The following ANK2 variants were observed in gnomAD, a reference collection of about 807,000 sequenced individuals.
The protein encoded by ANK2 is ankyrin 2.
A neutral mutation model predicts 360.5 loss-of-function variants in ANK2; 83 were observed. The ratio of observed to expected loss-of-function variants is 0.23; its 90% CI spans 0.19 to 0.28. ANK2 has a LOEUF of 0.28. Ranked by LOEUF, ANK2 falls within the 10% of genes least tolerant of loss-of-function variation. The probability of loss-of-function intolerance (pLI) is 1.00; values close to 1 mark genes in which losing one functional copy is unlikely to be tolerated. For missense variants in ANK2, 4,201 were observed against 4,795.7 expected, an observed-to-expected ratio of 0.88 and a Z score of 3.66; for synonymous variants, 1,740 against 1,759.5, an observed-to-expected ratio of 0.99 and a Z score of 0.28.
At chr4:113,051,046 G>A (rs2066749238) in intron 1 of ANK2, among the ~76,000 whole-genome samples, 1 of 152,114 alleles carries the variant, frequency 6.6e-6, no homozygotes, top group Admixed American at 6.6e-5. Flanking sequence ...ACAGGCAAAA[G>A]GATAATTCAG....
chr4:112,945,231 A>G (rs1291175193), intron 2 of ANK2, among the ~76,000 whole-genome samples: 1 of 152,194 alleles, frequency 6.6e-6, no homozygotes, highest in Non-Finnish European at 1.5e-5. Context: ...AGTTCTCCCT[A>G]GAAGTGATGC....
At chr4:113,217,944 T>G (rs2099105245) in intron 4 of ANK2, among the ~76,000 whole-genome samples, 1 of 152,162 alleles carries the variant, frequency 6.6e-6, no homozygotes, top group African/African-American at 2.4e-5. Context: ...TCACTTTTTG[T>G]GTAGTGTAAT....
chr4:113,342,371 T>C (rs1453495747), intron 33 of ANK2, among the ~76,000 whole-genome samples: 1 of 151,422 alleles, frequency 6.6e-6, no homozygotes, highest in Non-Finnish European at 1.5e-5. Flanking sequence ...CTTTGGGTGT[T>C]GAAGTCCAGT....
chr4:113,193,112 A>G (rs2098697086), intron 2 of ANK2, among the ~76,000 whole-genome samples: 1 of 152,160 alleles, frequency 6.6e-6, no homozygotes. Flanking sequence ...CTATGAAATA[A>G]TCGATAACCT....
chr4:112,828,879 T>C (rs1425294772), intron 1 of ANK2, among the ~76,000 whole-genome samples: 2 of 152,130 alleles, frequency 1.3e-5, no homozygotes, highest in Non-Finnish European at 2.9e-5. Context: ...GGAGGCTGGG[T>C]GTGGTGGTTC....
intron 2 of ANK2, among the ~76,000 whole-genome samples, chr4:112,905,822 C>T (rs1040800399): frequency 1.8e-4 from 28 of 151,854 alleles, no homozygotes; most frequent in South Asian, 4.2e-4. Flanking sequence ...CCACCATGCC[C>T]GACTAATTTT....
intron 1 of ANK2, among the ~76,000 whole-genome samples, chr4:113,101,266 A>C (rs917163777): frequency 6.6e-6 from 1 of 152,190 alleles, no homozygotes; most frequent in South Asian, 2.1e-4. Flanking sequence ...TATCATAATT[A>C]GTTTTTTACA....
At chr4:113,206,584 C>T (rs2098951969) in intron 4 of ANK2, among the ~76,000 whole-genome samples, 1 of 152,084 alleles carries the variant, frequency 6.6e-6, no homozygotes. Flanking sequence ...AGTCAGGACA[C>T]TTGTGTTTTT....
intron 2 of ANK2, among the ~76,000 whole-genome samples, chr4:113,042,601 G>C (rs190284912): frequency 1.3e-5 from 2 of 152,234 alleles, no homozygotes; most frequent in African/African-American, 4.8e-5. Context: ...GGGACACTGA[G>C]AGTCTATGGA....
At chr4:113,104,642 G>GA (rs2093388951) in intron 1 of ANK2, among the ~76,000 whole-genome samples, 1 of 152,168 alleles carries the variant, frequency 6.6e-6, no homozygotes, top group Non-Finnish European at 1.5e-5. Context: ...TTGAACCCAG[G>GA]AGGCAGAGGT....
chr4:113,015,278 T>C (rs931688090), intron 2 of ANK2, among the ~76,000 whole-genome samples: 2 of 152,222 alleles, frequency 1.3e-5, no homozygotes, highest in African/African-American at 4.8e-5. Context: ...CATTTTCTCC[T>C]ATCTGTGAGA....
At chr4:112,883,140 G>T (rs947485637) in intron 1 of ANK2, among the ~76,000 whole-genome samples, 1 of 142,404 alleles carries the variant, frequency 7.0e-6, no homozygotes, top group Non-Finnish European at 1.5e-5. Context: ...CCTGGTTCAA[G>T]CGATTCTCCT....
the ANK2 span, among the ~76,000 whole-genome samples, chr4:112,771,179 C>T: frequency 1.3e-5 from 2 of 152,202 alleles, no homozygotes; most frequent in Non-Finnish European, 2.9e-5. Context: ...ATGGTGCGAT[C>T]TTGGCTTACC....
intron 4 of ANK2, among the ~76,000 whole-genome samples, chr4:113,208,039 T>G (rs10019154): frequency 2.0e-5 from 3 of 150,296 alleles, no homozygotes; most frequent in Non-Finnish European, 2.9e-5. Context: ...GTGTATGAAA[T>G]GAAGCCTGAG....
intron 2 of ANK2, among the ~76,000 whole-genome samples, chr4:112,941,737 A>G (rs906612652): frequency 4.0e-5 from 6 of 148,292 alleles, no homozygotes; most frequent in South Asian, 2.1e-4. Flanking sequence ...TATATGATCT[A>G]TACACATATT....
chr4:113,231,869 G>A (rs568024010), intron 4 of ANK2, among the ~76,000 whole-genome samples: 2 of 152,214 alleles, frequency 1.3e-5, no homozygotes, highest in South Asian at 2.1e-4. Flanking sequence ...CAAAGTTCTG[G>A]GATTACAGGC....
chr4:113,353,184 C>T lies in ANK2; in HGVS notation c.4566C>T (p.Thr1522=). The T allele has an allele frequency of 6.2e-7, 1 of 1,614,008 alleles. No homozygotes were observed. Among genetic ancestry groups the T allele is most frequent in the South Asian group, 1.1e-5 (1 of 91,078 alleles). The change falls in exon 38 of 46, where the codon ACC becomes ACT. Residue 1522 remains threonine, a synonymous_variant. Coordinates refer to ENST00000357077, the MANE Select transcript of ANK2 (RefSeq NM_001148.6). The part of the protein sequence containing the change: ...QDLIKMTAIL[T]TDVSDKAGSI... ...TGATCAAAATGACCGCCATCTTGAC[C>T]ACAGATGTGTCTGATAAGGCAGGTT...
chr4:112,814,059 G>A (rs889594675), upstream of ANK2, among the ~76,000 whole-genome samples: 2 of 152,208 alleles, frequency 1.3e-5, no homozygotes, highest in Non-Finnish European at 2.9e-5. Flanking sequence ...TTTAAGGCAA[G>A]CAATGTTCTT....
chr4:112,934,793 A>C (rs2093594067), intron 2 of ANK2, among the ~76,000 whole-genome samples: 1 of 152,220 alleles, frequency 6.6e-6, no homozygotes, highest in Non-Finnish European at 1.5e-5. Flanking sequence ...TATGCTATGT[A>C]TATGTGATGT....
Sources: gnomAD v4.1 joint callset for allele counts (sites outside exome capture counted in the v4.1 genomes callset) on GRCh38, gnomAD v4.1.1 for gene constraint, MANE v1.5 for transcripts, NCBI Gene and HGNC (gene_info 2026-07-23, HGNC 2026-07-21) for gene names.